Variants in GAS7 observed in about 807,000 individuals in gnomAD.
GAS7 encodes the protein growth arrest specific 7, also known as growth arrest-specific protein 7.
GAS7 carries 28 observed loss-of-function variants against 71.1 expected under a neutral mutation model. That is an observed-to-expected ratio of 0.39 (90% CI 0.29 to 0.54). The LOEUF (loss-of-function observed/expected upper bound fraction) is 0.54. Among genes scored for constraint, GAS7 ranks in the 20% least tolerant of loss-of-function variants. GAS7 has a pLI of 0.62. For missense variants in GAS7, 436 were observed against 627.8 expected (o/e 0.69, Z 3.27); for synonymous variants, 258 against 245.8 (o/e 1.05, Z -0.46).
chr17:9,969,731 C>T lies in GAS7; in HGVS notation c.417G>A (p.Ala139=), dbSNP rs764395627. The change falls in exon 4 of 14, where the codon GCG becomes GCA. Residue 139 remains alanine (A), a synonymous_variant. Coordinates refer to ENST00000432992, the MANE Select transcript of GAS7 (RefSeq NM_201433.2). The surrounding 1 kb of genome is among the most constrained non-coding windows in gnomAD (Gnocchi z 5.5). ...TCATGTGGGCAGTCTCTGGAGGGTG[C>T]GCTGGGGTCCCTGATGCGTGGTATC... ...VNGYHASGTP[A]HPPETAHMSV... 53 of 1,611,962 alleles carry T rather than the reference C, an allele frequency of 3.3e-5. No homozygotes were observed. The highest frequency in any genetic ancestry group is 9.9e-5 in the South Asian group (9 of 91,032).
chr17:9,955,598 C>G (rs2069199627), intron 5 of GAS7, among the ~76,000 whole-genome samples: 1 of 152,216 alleles, frequency 6.6e-6, no homozygotes, highest in South Asian at 2.1e-4. Flanking sequence ...GACCCAGGCT[C>G]TGAACCCACG....
At chr17:10,032,281 T>G (rs1357430843) in intron 1 of GAS7, among the ~76,000 whole-genome samples, 3 of 152,220 alleles carry the variant, frequency 2.0e-5, no homozygotes, top group Non-Finnish European at 2.9e-5. Flanking sequence ...CTGTGCTCGC[T>G]GGCTTTTGAT....
At chr17:9,968,288 T>A (rs916134050) in intron 4 of GAS7, among the ~76,000 whole-genome samples, 1 of 152,224 alleles carries the variant, frequency 6.6e-6, no homozygotes, top group African/African-American at 2.4e-5. Context: ...GCCAGCTGTG[T>A]GCTACTGACT....
At chr17:10,028,446 G>C (rs1415931987) in intron 1 of GAS7, among the ~76,000 whole-genome samples, 1 of 152,128 alleles carries the variant, frequency 6.6e-6, no homozygotes. Context: ...AATGGGGAAG[G>C]GGGAGGCAAG....
chr17:10,178,129 A>ATG (rs2142139011), intron 1 of GAS7, among the ~76,000 whole-genome samples: 2 of 152,292 alleles, frequency 1.3e-5, no homozygotes, highest in South Asian at 4.1e-4. Flanking sequence ...TATGTGGCAG[A>ATG]ATGAGCAGCT....
At chr17:9,917,603 C>T (rs2067626835) in intron 13 of GAS7, among the ~76,000 whole-genome samples, 1 of 152,270 alleles carries the variant, frequency 6.6e-6, no homozygotes, top group South Asian at 2.1e-4. Context: ...AAACCTGTCT[C>T]TATCCCTTCC....
chr17:10,195,340 C>T (rs186439475), intron 1 of GAS7, among the ~76,000 whole-genome samples: 662 of 152,292 alleles, frequency 4.3e-3, no homozygotes, highest in Non-Finnish European at 7.5e-3. Flanking sequence ...CTCTCGGTTC[C>T]CCTTGCTTCA....
At chr17:10,017,504 T>C (rs138031841) in intron 2 of GAS7, among the ~76,000 whole-genome samples, 8,802 of 152,060 alleles carry the variant, frequency 0.058, 437 homozygotes, top group African/African-American at 0.13. Flanking sequence ...AATTTTGATA[T>C]TTTTAGTAGA....
At chr17:10,079,824 C>T (rs553268964) in intron 1 of GAS7, among the ~76,000 whole-genome samples, 7 of 152,214 alleles carry the variant, frequency 4.6e-5, no homozygotes, top group Non-Finnish European at 7.3e-5. Context: ...CAGAGTTTCA[C>T]TCTTTTCATT....
At chr17:10,038,333 G>A (rs2072795967) in intron 1 of GAS7, among the ~76,000 whole-genome samples, 1 of 152,144 alleles carries the variant, frequency 6.6e-6, no homozygotes, top group South Asian at 2.1e-4. Flanking sequence ...CTGGGCAACG[G>A]AGCAAGGCTC....
intron 1 of GAS7, among the ~76,000 whole-genome samples, chr17:10,041,476 G>A (rs1597739492): frequency 6.6e-6 from 1 of 152,310 alleles, no homozygotes; most frequent in South Asian, 2.1e-4. Flanking sequence ...CCAGCCAAGG[G>A]CAAGGGACCT....
At chr17:10,040,387 G>A (rs1371617367) in intron 1 of GAS7, among the ~76,000 whole-genome samples, 2 of 152,174 alleles carry the variant, frequency 1.3e-5, no homozygotes, top group Non-Finnish European at 2.9e-5. Flanking sequence ...GATCATGGGA[G>A]GCCATGAGGA....
chr17:10,013,892 G>A (rs1469193164), intron 2 of GAS7, among the ~76,000 whole-genome samples: 1 of 152,124 alleles, frequency 6.6e-6, no homozygotes, highest in Non-Finnish European at 1.5e-5. Context: ...GGCCCCGGGT[G>A]ATCTTCTACA....
At position 9,925,611 on chromosome 17, in the gene GAS7, G is replaced by A. The variant is rs77021150; in HGVS notation, c.1015-12C>T. The A allele has an allele frequency of 9.2e-4, 1,487 of 1,614,034 alleles. 21 individuals carry two copies. The African/African-American group carries it at 0.017, about 19-fold the overall frequency. On this transcript the variant is annotated splice_polypyrimidine_tract_variant and intron_variant, in intron 10 of 13. Transcript: ENST00000432992. ...AGGGCTTTCCGGGCCTGGGGTCCAAGGACACGGAGAAGCTGCTCATACAGC... is the reference window on the plus strand; with the variant it reads ...AGGGCTTTCCGGGCCTGGGGTCCAAAGACACGGAGAAGCTGCTCATACAGC...
rs2152129130 is a variant in GAS7 at position 9,981,070 on chromosome 17, T to C, written c.385+734A>G. Among the ~76,000 whole-genome samples the C allele has an allele frequency of 6.6e-6, 1 of 152,236 alleles. No individual in the cohort carries two copies. Among genetic ancestry groups the C allele is most frequent in the East Asian group, 1.9e-4 (1 of 5,160 alleles). On this transcript the variant is annotated intron_variant, in intron 3 of 13. Coordinates refer to ENST00000432992, the MANE Select transcript of GAS7 (RefSeq NM_201433.2). The surrounding 1 kb of genome is among the most constrained non-coding windows in gnomAD (Gnocchi z 4.4). ...ACTTTGAGAGGCCAAAACAGGTGGA[T>C]CACTTGAGACCAGGAGCTCAAGACC...
At chr17:10,148,947 CG>C (rs1269974999) in intron 1 of GAS7, among the ~76,000 whole-genome samples, 5 of 147,796 alleles carry the variant, frequency 3.4e-5, no homozygotes, top group Non-Finnish European at 7.4e-5. Context: ...TTGAACAGAA[CG>C]GTATCAGGTC....
At position 9,969,422 on chromosome 17, in the gene GAS7, T is replaced by G. The variant is rs1375039003; in HGVS notation, c.471+255A>C. Among the ~76,000 whole-genome samples the G allele has an allele frequency of 2.0e-5, 3 of 152,108 alleles. No individual in the cohort carries two copies. The highest frequency in any genetic ancestry group is 7.2e-5 in the African/African-American group (3 of 41,416). On this transcript the variant is annotated intron_variant, in intron 4 of 13. Coordinates refer to ENST00000432992, the MANE Select transcript of GAS7 (RefSeq NM_201433.2). The surrounding 1 kb of genome is among the most constrained non-coding windows in gnomAD (Gnocchi z 5.5). ...CCAGACCAGAGAATGGAACTCTCTGTCCTAATGGTTTCAACCCCATCACCG... is the reference window on the plus strand; with the variant it reads ...CCAGACCAGAGAATGGAACTCTCTGGCCTAATGGTTTCAACCCCATCACCG...
intron 1 of GAS7, among the ~76,000 whole-genome samples, chr17:10,050,343 C>A (rs777226332): frequency 6.6e-6 from 1 of 152,166 alleles, no homozygotes. Context: ...CAATGCAACG[C>A]TAACACAAAA....
chr17:10,017,680 G>A (rs866817556), intron 2 of GAS7, among the ~76,000 whole-genome samples: 2 of 152,064 alleles, frequency 1.3e-5, no homozygotes, highest in African/African-American at 2.4e-5. Context: ...TCCTATTTTC[G>A]GATCCATAGA....
Sources: gnomAD v4.1 joint callset for allele counts (sites outside exome capture counted in the v4.1 genomes callset) on GRCh38, gnomAD v4.1.1 for gene constraint, Gnocchi (gnomAD v3.1) non-coding constraint, MANE v1.5 for transcripts, NCBI Gene and HGNC (gene_info 2026-07-23, HGNC 2026-07-21) for gene names.